Variants in RBMS3 observed in about 807,000 individuals in gnomAD.
The protein encoded by RBMS3 is RNA-binding motif, single-stranded-interacting protein 3.
Under a neutral mutation model 66.8 loss-of-function variants are expected in RBMS3, and 27 were observed. That is an observed-to-expected ratio of 0.40 (90% confidence interval 0.30 to 0.56). RBMS3 has a LOEUF of 0.56. Among genes scored for constraint, RBMS3 ranks in the 20% least tolerant of loss-of-function variants. RBMS3 has a pLI of 0.40. For synonymous variants in RBMS3, 188 were observed against 183.0 expected, an observed-to-expected ratio of 1.03 and a Z score of -0.22; for missense variants, 513 against 549.5, an observed-to-expected ratio of 0.93 and a Z score of 0.66.
chr3:29,818,772 C>T (rs1302519677), intron 6 of RBMS3, among the ~76,000 whole-genome samples: 27 of 151,726 alleles, frequency 1.8e-4, no homozygotes, highest in Admixed American at 1.8e-3. Flanking sequence ...ACTTCATGTC[C>T]CTGAAAATAT....
chr3:29,622,385 G>A (rs769399534), intron 4 of RBMS3, among the ~76,000 whole-genome samples: 1 of 152,224 alleles, frequency 6.6e-6, no homozygotes, highest in Non-Finnish European at 1.5e-5. Flanking sequence ...TGGAGGACAA[G>A]CTCTGTTCTG....
intron 6 of RBMS3, among the ~76,000 whole-genome samples, chr3:29,825,865 T>C (rs1203063547): frequency 6.6e-6 from 1 of 152,232 alleles, no homozygotes; most frequent in African/African-American, 2.4e-5. Flanking sequence ...TTATTAATGA[T>C]ATTAATAATC....
chr3:29,519,370 A>G (rs967702950), intron 3 of RBMS3, among the ~76,000 whole-genome samples: 5 of 152,220 alleles, frequency 3.3e-5, no homozygotes, highest in African/African-American at 1.2e-4. Context: ...TGGAAGGGAC[A>G]GATGTGGGAT....
rs1002306295 is a variant in RBMS3, at chr3:29,582,468, G to A, written c.308-4646G>A. 4.6e-5 allele frequency among the ~76,000 whole-genome samples: 7 copies of A among 152,276 alleles called. No individual in the cohort carries two copies. The Middle Eastern group carries it at 0.01, about 222-fold the overall frequency. Reference sequence around the variant, plus strand: ...GACAGGAGTGTGTGGAGAAAACAGTGACATTCAGTTTTAATTCATTTGAAC... The same window carrying A: ...GACAGGAGTGTGTGGAGAAAACAGTAACATTCAGTTTTAATTCATTTGAAC... On this transcript the variant is annotated intron_variant, in intron 3 of 14. Coordinates refer to ENST00000383767, the MANE Select transcript of RBMS3 (RefSeq NM_001003793.3).
In RBMS3 at chr3:29,576,901, C is replaced by A. The variant is rs567712315; in HGVS notation, c.308-10213C>A. Among the ~76,000 whole-genome samples the A allele has an allele frequency of 1.1e-4, 17 of 152,292 alleles. No individual in the cohort carries two copies. In the South Asian group the frequency reaches 3.3e-3, roughly 30 times the overall value. On this transcript the variant is annotated intron_variant, in intron 3 of 14. Coordinates refer to ENST00000383767, the MANE Select transcript of RBMS3 (RefSeq NM_001003793.3). ...AAATTGGATCTCCTCTGGCCCAGGG[C>A]AGGTCCAGAAATGCTGTCTACTAGC...
At chr3:29,832,808 C>A (rs2058409089) in intron 6 of RBMS3, among the ~76,000 whole-genome samples, 1 of 152,152 alleles carries the variant, frequency 6.6e-6, no homozygotes, top group Admixed American at 6.6e-5. Flanking sequence ...ACTTAGGAGG[C>A]CTTGCCTGTG....
At chr3:29,631,423 T>C (rs1320457785) in intron 4 of RBMS3, among the ~76,000 whole-genome samples, 1 of 151,932 alleles carries the variant, frequency 6.6e-6, no homozygotes, top group Non-Finnish European at 1.5e-5. Context: ...ATAAATATTC[T>C]TGAGTCATCT....
intron 1 of RBMS3, among the ~76,000 whole-genome samples, chr3:29,328,731 C>T (rs1156904338): frequency 3.9e-5 from 6 of 152,092 alleles, no homozygotes. Context: ...TTAGATCTCT[C>T]ATAAAGGTGC....
At chr3:29,690,597 C>G (rs574373755) in intron 4 of RBMS3, among the ~76,000 whole-genome samples, 2 of 152,234 alleles carry the variant, frequency 1.3e-5, no homozygotes, top group South Asian at 4.1e-4. Context: ...TATTCAAGTG[C>G]TAAATTGAAT....
intron 3 of RBMS3, among the ~76,000 whole-genome samples, chr3:29,583,619 G>C (rs575775561): frequency 1.3e-5 from 2 of 152,184 alleles, no homozygotes; most frequent in East Asian, 1.9e-4. Flanking sequence ...TGGGTGAAGG[G>C]GAGGATCCTT....
chr3:30,000,709 A>G (rs1021397440), intron 14 of RBMS3, among the ~76,000 whole-genome samples: 3 of 152,214 alleles, frequency 2.0e-5, no homozygotes, highest in Non-Finnish European at 4.4e-5. Flanking sequence ...CCATGCAGTC[A>G]TAAAAAGGAT....
At chr3:29,733,531 A>AT (rs1271586919) in intron 4 of RBMS3, among the ~76,000 whole-genome samples, 1 of 151,816 alleles carries the variant, frequency 6.6e-6, no homozygotes, top group African/African-American at 2.4e-5. Flanking sequence ...AGCATTGGTT[A>AT]TTTTTTATTT....
At chr3:29,547,431 T>C (rs974780508) in intron 3 of RBMS3, among the ~76,000 whole-genome samples, 8 of 152,094 alleles carry the variant, frequency 5.3e-5, no homozygotes, top group African/African-American at 9.7e-5. Context: ...GATCTATCAT[T>C]ACTCTTCTAT....
At chr3:29,390,093 C>G (rs1164427896) in intron 1 of RBMS3, among the ~76,000 whole-genome samples, 3 of 152,104 alleles carry the variant, frequency 2.0e-5, no homozygotes, top group African/African-American at 7.2e-5. Flanking sequence ...TGATACCACT[C>G]CTGTGAAAAA....
chr3:29,399,481 A>G (rs62235728), intron 1 of RBMS3, among the ~76,000 whole-genome samples: 24,923 of 152,196 alleles, frequency 0.16, 2,255 homozygotes, highest in South Asian at 0.22. Flanking sequence ...TTTAGAAAAG[A>G]AGGCTGAGAC....
intron 13 of RBMS3, among the ~76,000 whole-genome samples, chr3:29,990,558 CAGTTCATATACCAGAAAACAAAA>C (rs911282173): frequency 6.6e-6 from 1 of 151,098 alleles, no homozygotes; most frequent in African/African-American, 2.4e-5. Context: ...TGATGACTTT[CAGTTCATATACCAGAAAACAAAA>C]CAAATCAAAT....
intron 6 of RBMS3, among the ~76,000 whole-genome samples, chr3:29,824,024 T>C (rs1559709752): frequency 6.6e-6 from 1 of 152,064 alleles, no homozygotes; most frequent in Non-Finnish European, 1.5e-5. Flanking sequence ...ATTAATGGCT[T>C]TACTTTTTAG....
At chr3:29,831,096 T>C (rs549090570) in intron 6 of RBMS3, among the ~76,000 whole-genome samples, 36 of 152,300 alleles carry the variant, frequency 2.4e-4, no homozygotes, top group Admixed American at 2.0e-3. Flanking sequence ...CAGATCTTCT[T>C]TGAGAACTTT....
chr3:29,674,688 T>TA (rs1370933535), intron 4 of RBMS3, among the ~76,000 whole-genome samples: 12 of 134,714 alleles, frequency 8.9e-5, no homozygotes, highest in Middle Eastern at 9.2e-3. Flanking sequence ...GAATCCAACT[T>TA]ACAAGGGATG....
Sources: allele counts gnomAD v4.1 joint callset (sites outside exome capture counted in the v4.1 genomes callset), GRCh38; gene constraint gnomAD v4.1.1; transcripts MANE v1.5; gene names NCBI Gene and HGNC (gene_info 2026-07-23, HGNC 2026-07-21).